The following LSS variants were observed in gnomAD, a reference collection of about 807,000 sequenced individuals.
LSS encodes lanosterol synthase.
Under a neutral mutation model 110.3 loss-of-function variants are expected in LSS, and 90 were observed. The ratio of observed to expected loss-of-function variants is 0.82; its 90% CI spans 0.69 to 0.97. The LOEUF (loss-of-function observed/expected upper bound fraction) is 0.97, where lower values mean the gene tolerates loss of function less well. Ranked by LOEUF, LSS falls within the 50% of genes least tolerant of loss-of-function variation. The probability of loss-of-function intolerance (pLI) is 0.00; values close to 1 mark genes in which losing one functional copy is unlikely to be tolerated. For synonymous variants in LSS, 433 were observed against 400.0 expected, an observed-to-expected ratio of 1.08 and a Z score of -0.98; for missense variants, 927 against 990.0, an observed-to-expected ratio of 0.94 and a Z score of 0.85.
Position 46,209,617 on chromosome 21 carries a change from C to T in LSS, c.1203G>A (p.Gly401=), listed in dbSNP as rs1426778237. ...AGGACGAAAACTCGGGCCTGTGGTGCCCGCCCGCCTGGAAGAGACAGCAGG... is the reference window on the plus strand; with the variant it reads ...AGGACGAAAACTCGGGCCTGTGGTGTCCGCCCGCCTGGAAGAGACAGCAGG... ...FAIQALLEAG[G]HHRPEFSSCL... The change falls in exon 13 of 22, where the codon GGG becomes GGA. Residue 401 remains glycine, a synonymous_variant. Coordinates refer to ENST00000397728, the MANE Select transcript of LSS (RefSeq NM_002340.6). The surrounding 1 kb of genome is among the most constrained non-coding windows in gnomAD (Gnocchi z 4.4). 4 of 1,596,062 alleles carry T rather than the reference C, an allele frequency of 2.5e-6. No homozygotes were observed. The highest frequency in any genetic ancestry group is 4.5e-5 in the East Asian group (2 of 44,016).
rs536095756 is a variant in LSS at position 46,195,057 on chromosome 21, A to G, written c.1818-396T>C. On this transcript the variant is annotated intron_variant, in intron 19 of 21. Coordinates refer to ENST00000397728, the MANE Select transcript of LSS (RefSeq NM_002340.6). Reference sequence around the variant, plus strand: ...GCAGCTGGAGACAGGGCTGGGAGAGAGTCCGGCGGCTGGAGACACGGCTGG... The same window carrying G: ...GCAGCTGGAGACAGGGCTGGGAGAGGGTCCGGCGGCTGGAGACACGGCTGG... Among the ~76,000 whole-genome samples, 19 of 152,282 alleles carry G rather than the reference A, an allele frequency of 1.2e-4. No homozygotes were observed. The East Asian group carries it at 3.3e-3, about 26-fold the overall frequency.
intron 6 of LSS, among the ~76,000 whole-genome samples, chr21:46,217,701 C>A (rs968916456): frequency 6.6e-6 from 1 of 152,214 alleles, no homozygotes; most frequent in African/African-American, 2.4e-5. Flanking sequence ...CACTGACCGA[C>A]GGCCCCCCCA....
chr21:46,212,137 G>A (rs941950087), intron 11 of LSS, among the ~76,000 whole-genome samples: 7 of 152,324 alleles, frequency 4.6e-5, no homozygotes, highest in Middle Eastern at 3.4e-3. Context: ...CTTTACATGT[G>A]TTTTGAAAAC....
At position 46,191,931 on chromosome 21, in the gene LSS, C is replaced by T. The variant is rs2079821850; in HGVS notation, c.2017G>A (p.Gly673Arg). The change falls in exon 21 of 22, where the codon GGA becomes AGA. Residue 673 changes from glycine (G) to arginine (R), a missense_variant. Physicochemically the swap from Gly to Arg is moderately radical, Grantham distance 125 (BLOSUM62 -2). Transcript: ENST00000397728. ...RHPDIEAQERGVRCLLEKQLP... is the reference protein window; with the variant it reads ...RHPDIEAQERRVRCLLEKQLP... ...TGTTTCTCAAGTAGACACCGGACTC[C>T]TCTCTCCTGGGCCTCGATGTCAGGA... The T allele has an allele frequency of 6.2e-7, 1 of 1,613,672 alleles. No individual in the cohort carries two copies. Among genetic ancestry groups the T allele is most frequent in the South Asian group, 1.1e-5 (1 of 90,952 alleles).
intron 6 of LSS, among the ~76,000 whole-genome samples, chr21:46,217,382 CAT>C (rs2080220908): frequency 1.3e-5 from 2 of 152,240 alleles, no homozygotes; most frequent in African/African-American, 2.4e-5. Context: ...GTGTGTGCCT[CAT>C]GTGTTTTCTC....
chr21:46,192,755 T>C (rs1390668243), intron 20 of LSS: 10 of 453,056 alleles, frequency 2.2e-5, no homozygotes, highest in Non-Finnish European at 3.5e-5. Flanking sequence ...CATCTGCATG[T>C]GTGTACACAG....
chr21:46,208,140 C>T (rs1361510511), intron 14 of LSS, 111 bp downstream of exon 14: 2 of 1,035,606 alleles, frequency 1.9e-6, no homozygotes, highest in Non-Finnish European at 1.4e-6. Context: ...CCAAAAACGC[C>T]AAGGGAGGAG....
intron 13 of LSS, among the ~76,000 whole-genome samples, chr21:46,208,980 G>T (rs78155037): frequency 6.6e-6 from 1 of 152,188 alleles, no homozygotes; most frequent in Admixed American, 6.5e-5. Context: ...CACTGGCTGA[G>T]GCCGTGGCCG....
At chr21:46,222,166 G>A in intron 4 of LSS, 191 bp from the exon 5 acceptor site, 1 of 614,306 alleles carries the variant, frequency 1.6e-6, no homozygotes, top group South Asian at 2.0e-5. Context: ...CATGACAACT[G>A]AGCCCCCCAC....
At position 46,191,188 on chromosome 21, in the gene LSS, C is replaced by T. The variant is rs534118642; in HGVS notation, c.2115G>A (p.Thr705=). The T allele has an allele frequency of 3.8e-5, 62 of 1,614,072 alleles. No individual in the cohort carries two copies. Among genetic ancestry groups the T allele is most frequent in the South Asian group, 5.5e-5 (5 of 91,086 alleles). ...VFNKSCAISY[T]SYRNIFPIWA... is the part of the protein sequence containing the mutation. The stretch of plus-strand genomic sequence containing the variant: ...AGATGGGGAAGATGTTCCTGTAGCT[C>T]GTGTAGGAGATGGCACAGGACTTGT... Residue 705 remains threonine (T), a synonymous_variant, in exon 22 of 22, where the codon ACG becomes ACA. Coordinates refer to ENST00000397728, the MANE Select transcript of LSS (RefSeq NM_002340.6).
intron 5 of LSS, 46 bp downstream of exon 5, chr21:46,221,808 G>A (rs770974024): frequency 1.4e-5 from 23 of 1,611,364 alleles, no homozygotes; most frequent in Middle Eastern, 1.9e-4. Flanking sequence ...GCTCATTATC[G>A]AGTTGACACG....
At chr21:46,195,587 C>T (rs2079898401) in intron 19 of LSS, 89 bp downstream of exon 19, 1 of 1,190,754 alleles carries the variant, frequency 8.4e-7, no homozygotes, top group South Asian at 1.2e-5. Flanking sequence ...AACAAACAAA[C>T]CCTAAAACCA....
At chr21:46,197,563 C>T (rs1203171239) in intron 17 of LSS, among the ~76,000 whole-genome samples, 4 of 152,180 alleles carry the variant, frequency 2.6e-5, no homozygotes, top group Non-Finnish European at 5.9e-5. Context: ...CAGGCTCACT[C>T]ATGAACACAG....
rs2080204368 is a variant in LSS, at chr21:46,216,202, T to C, written c.783+187A>G. The stretch of plus-strand genomic sequence containing the variant: ...GCTACTGACTGTCCCATAGCACAAG[T>C]CCCCTCTGGGCAGAGCTTGCTCACT... On this transcript the variant is annotated intron_variant, in intron 7 of 21. Coordinates refer to ENST00000397728, the MANE Select transcript of LSS (RefSeq NM_002340.6). This position sits in a 1 kb window ranked among gnomAD's most constrained non-coding sequence, Gnocchi z 4.2. 6.6e-6 allele frequency among the ~76,000 whole-genome samples: 1 copy of C among 152,138 alleles called. No homozygotes were observed. The highest frequency in any genetic ancestry group is 1.5e-5 in the Non-Finnish European group (1 of 68,012).
At chr21:46,198,493 A>G (rs187822720) in intron 17 of LSS, among the ~76,000 whole-genome samples, 4 of 152,336 alleles carry the variant, frequency 2.6e-5, no homozygotes, top group African/African-American at 7.2e-5. Flanking sequence ...TCCCAATCAA[A>G]GTCTCAGCAA....
chr21:46,218,330 T>C (rs2080232939), intron 6 of LSS, among the ~76,000 whole-genome samples: 1 of 150,526 alleles, frequency 6.6e-6, no homozygotes, highest in Non-Finnish European at 1.5e-5. Flanking sequence ...CATAAAATGT[T>C]ACAAGACACC....
intron 5 of LSS, among the ~76,000 whole-genome samples, chr21:46,219,852 A>C (rs533026457): frequency 6.6e-6 from 1 of 152,330 alleles, no homozygotes; most frequent in East Asian, 1.9e-4. Flanking sequence ...CCCAGGAAGG[A>C]GCACATGAAG....
chr21:46,224,143 A>G (rs933409831), intron 3 of LSS, among the ~76,000 whole-genome samples: 14 of 152,132 alleles, frequency 9.2e-5, no homozygotes, highest in Admixed American at 9.2e-4. Flanking sequence ...GAAAGTACTA[A>G]AAGTCTCTGA....
In LSS at chr21:46,228,649, G is replaced by C. The variant is rs1344678783; in HGVS notation, c.15-50C>G. 3 of 1,595,248 alleles carry C rather than the reference G, an allele frequency of 1.9e-6. No individual in the cohort carries two copies. The South Asian group carries it at 3.3e-5, about 18-fold the overall frequency. On this transcript the variant is annotated intron_variant, in intron 1 of 21. Transcript: ENST00000397728. ...CCCAGGCCCCGCCCCAACGCCGGCC[G>C]CCGGCCCACTGCCCCAGTCGCGCTC...
Sources: allele counts gnomAD v4.1 joint callset (sites outside exome capture counted in the v4.1 genomes callset), GRCh38; gene constraint gnomAD v4.1.1; non-coding constraint Gnocchi (gnomAD v3.1); transcripts MANE v1.5; gene names NCBI Gene and HGNC (gene_info 2026-07-23, HGNC 2026-07-21).